The following FBXL5 variants were observed in gnomAD, a reference collection of about 807,000 sequenced individuals.
FBXL5 encodes F-box and leucine rich repeat protein 5, also known as F-box/LRR-repeat protein 5.
FBXL5 carries 26 observed loss-of-function variants against 78.3 expected under a neutral mutation model. That is an observed-to-expected ratio of 0.33 (90% CI 0.24 to 0.46). The LOEUF is 0.46. Ranked by LOEUF, FBXL5 falls within the 20% of genes least tolerant of loss-of-function variation. The pLI, the probability that FBXL5 is intolerant of heterozygous loss-of-function variation, is 1.00. For missense variants in FBXL5, 710 were observed against 829.2 expected, an observed-to-expected ratio of 0.86 and a Z score of 1.77; for synonymous variants, 295 against 282.5, an observed-to-expected ratio of 1.04 and a Z score of -0.45.
In FBXL5 at chr4:15,605,701, G is replaced by C; in HGVS notation, c.*22C>G. 1.2e-6 allele frequency: 2 copies of C among 1,608,170 alleles called. No individual in the cohort carries two copies. Among genetic ancestry groups the C allele is most frequent in the South Asian group, 2.2e-5 (2 of 90,720 alleles). On this transcript the variant is annotated 3_prime_UTR_variant, in exon 11 of 11. Transcript: ENST00000341285. The stretch of plus-strand genomic sequence containing the variant: ...AAAGCCTGCTCAGCTAAATGAAGTA[G>C]ACAAAGATCAGAAGTCAAGGGTCAT...
At chr4:15,671,566 G>A (rs73243120) in intron 1 of FBXL5, among the ~76,000 whole-genome samples, 5 of 152,180 alleles carry the variant, frequency 3.3e-5, no homozygotes, top group Non-Finnish European at 7.4e-5. Flanking sequence ...GAGCCACCAC[G>A]CCTGGGTGGT....
intron 5 of FBXL5, among the ~76,000 whole-genome samples, chr4:15,634,096 T>C (rs895710030): frequency 2.0e-5 from 3 of 152,200 alleles, no homozygotes; most frequent in Non-Finnish European, 4.4e-5. Context: ...TCCAGATATT[T>C]CAAATATCCC....
chr4:15,612,506 T>C, intron 9 of FBXL5, 92 bp from the exon 10 acceptor site: 1 of 1,170,428 alleles, frequency 8.5e-7, no homozygotes, highest in Non-Finnish European at 1.2e-6. Flanking sequence ...TTACATACTT[T>C]TCAATATGGT....
At chr4:15,673,858 T>G (rs1717860811) in intron 1 of FBXL5, among the ~76,000 whole-genome samples, 1 of 152,194 alleles carries the variant, frequency 6.6e-6, no homozygotes, top group Admixed American at 6.5e-5. Flanking sequence ...CTCCCTGTAC[T>G]ATGGCTTAGA....
chr4:15,654,495 G>A (rs762368417), intron 1 of FBXL5, among the ~76,000 whole-genome samples: 33 of 152,174 alleles, frequency 2.2e-4, no homozygotes, highest in South Asian at 6.2e-4. Context: ...CTCATATAAA[G>A]AAATCCAAGA....
chr4:15,652,882 T>C (rs1393941035), intron 1 of FBXL5, among the ~76,000 whole-genome samples: 2 of 141,932 alleles, frequency 1.4e-5, no homozygotes, highest in African/African-American at 5.3e-5. Flanking sequence ...AGTTTTATTG[T>C]AAACTGTTTG....
chr4:15,641,795 G>A (rs1714908780), intron 2 of FBXL5, among the ~76,000 whole-genome samples: 1 of 152,124 alleles, frequency 6.6e-6, no homozygotes, highest in Non-Finnish European at 1.5e-5. Flanking sequence ...GGGACGCAGA[G>A]GCAGGCGGAT....
intron 1 of FBXL5, among the ~76,000 whole-genome samples, chr4:15,680,474 C>T (rs938894611): frequency 2.0e-5 from 3 of 152,002 alleles, no homozygotes; most frequent in Admixed American, 6.6e-5. Context: ...AGTTCGAGAC[C>T]AGCCTGGCCA....
intron 1 of FBXL5, among the ~76,000 whole-genome samples, chr4:15,671,977 TA>T (rs1175960297): frequency 1.3e-5 from 2 of 152,192 alleles, no homozygotes; most frequent in African/African-American, 4.8e-5. Flanking sequence ...TTTATCTCAT[TA>T]TGGGTCCTAT....
Position 15,630,670 on chromosome 4 carries a change from T to C in FBXL5, c.888A>G (p.Glu296=), listed in dbSNP as rs1262634547. The C allele has an allele frequency of 1.9e-6, 3 of 1,577,606 alleles. No individual in the cohort carries two copies. The highest frequency in any genetic ancestry group is 2.6e-6 in the Non-Finnish European group (3 of 1,168,574). ...TTTAATTCCAAACAAGCTTACCAGA[T>C]TCATCAATGTCAGCATCTTCATCCC... ...HEWDEDADID[E]SEESAEESIA... The change falls in exon 6 of 11, where the codon GAA becomes GAG. Residue 296 remains glutamate (E), a synonymous_variant. Transcript: ENST00000341285.
intron 1 of FBXL5, among the ~76,000 whole-genome samples, chr4:15,677,960 T>C (rs1718057685): frequency 6.6e-6 from 1 of 152,168 alleles, no homozygotes; most frequent in Admixed American, 6.5e-5. Flanking sequence ...TGTGCTAACT[T>C]CAGGCAATTA....
Position 15,665,203 on chromosome 4 carries a change from G to A in FBXL5, c.-283-5281C>T, listed in dbSNP as rs923076026. Among the ~76,000 whole-genome samples the A allele has an allele frequency of 6.6e-5, 10 of 152,212 alleles. No individual in the cohort carries two copies. In the East Asian group the frequency reaches 1.9e-3, roughly 29 times the overall value. On this transcript the variant is annotated intron_variant, in intron 1 of 4. Transcript: ENST00000507899. ...AGGAAAGAATGCCTTTCTTATTTGT[G>A]ACATATTGTTAAAAGGGTTCCAGTG...
chr4:15,641,898 G>C (rs1714922876), intron 2 of FBXL5, among the ~76,000 whole-genome samples: 1 of 151,946 alleles, frequency 6.6e-6, no homozygotes, highest in Non-Finnish European at 1.5e-5. Flanking sequence ...GTAATGATGG[G>C]CACCTGTAAT....
chr4:15,646,951 G>C (rs922417936), intron 1 of FBXL5, among the ~76,000 whole-genome samples: 1 of 151,902 alleles, frequency 6.6e-6, no homozygotes, highest in African/African-American at 2.4e-5. Flanking sequence ...GGCTGGGCAT[G>C]GTGGCTCACA....
chr4:15,634,739 A>G (rs568323992), intron 5 of FBXL5, among the ~76,000 whole-genome samples: 83 of 152,276 alleles, frequency 5.5e-4, no homozygotes, highest in African/African-American at 2.0e-3. Context: ...TTTGTTTAAC[A>G]TATTAAAAAC....
chr4:15,654,768 A>C (rs1238306946), intron 1 of FBXL5, among the ~76,000 whole-genome samples: 5 of 151,820 alleles, frequency 3.3e-5, no homozygotes, highest in Non-Finnish European at 5.9e-5. Flanking sequence ...GGCCCGGGGG[A>C]GTGACGGGGG....
chr4:15,639,697 G>A (rs1177025154), intron 3 of FBXL5, among the ~76,000 whole-genome samples: 1 of 152,186 alleles, frequency 6.6e-6, no homozygotes, highest in Non-Finnish European at 1.5e-5. Context: ...AACACTGGCT[G>A]TATATTACAA....
At position 15,626,970 on chromosome 4, in the gene FBXL5, A is replaced by G; in HGVS notation, c.1042-15T>C. On this transcript the variant is annotated splice_polypyrimidine_tract_variant and intron_variant, in intron 7 of 10. Coordinates refer to ENST00000341285, the MANE Select transcript of FBXL5 (RefSeq NM_012161.4). ...ATCTGCCTAACCTAAAAGGCAAGAA[A>G]TTGTCACTGTAAAGATCTGCAGAAC... The G allele has an allele frequency of 6.4e-7, 1 of 1,571,914 alleles. No homozygotes were observed. The highest frequency in any genetic ancestry group is 1.1e-5 in the South Asian group (1 of 88,272).
chr4:15,675,531 G>C (rs1318124232), intron 1 of FBXL5, among the ~76,000 whole-genome samples: 1 of 147,792 alleles, frequency 6.8e-6, no homozygotes, highest in Non-Finnish European at 1.5e-5. Flanking sequence ...TCAAGGAGTT[G>C]AACCTTCACT....
Sources: allele counts gnomAD v4.1 joint callset (sites outside exome capture counted in the v4.1 genomes callset), GRCh38; gene constraint gnomAD v4.1.1; transcripts MANE v1.5; gene names NCBI Gene and HGNC (gene_info 2026-07-23, HGNC 2026-07-21).